Variants in ZFHX3 observed in about 807,000 individuals in gnomAD.
The protein encoded by ZFHX3 is zinc finger homeobox 3.
In ZFHX3, 42 loss-of-function variants were observed where a neutral mutation model predicts 279.1. The observed-to-expected ratio is 0.15, with a 90% CI of 0.12 to 0.19. ZFHX3 has a LOEUF of 0.19. Among genes scored for constraint, ZFHX3 ranks in the 10% least tolerant of loss-of-function variants. The pLI is 1.00. For synonymous variants in ZFHX3, 2,293 were observed against 1,957.8 expected (o/e 1.17, Z -4.52); for missense variants, 4,981 against 4,754.0 (o/e 1.05, Z -1.40).
chr16:72,836,212 CCTCT>C, intron 4 of ZFHX3, among the ~76,000 whole-genome samples: 1 of 152,272 alleles, frequency 6.6e-6, no homozygotes, highest in Middle Eastern at 3.4e-3. Context: ...TGCCATTCTC[CCTCT>C]GTGACTTTCG....
At chr16:73,353,191 C>G (rs2016279043) in intron 3 of ZFHX3, among the ~76,000 whole-genome samples, 1 of 152,184 alleles carries the variant, frequency 6.6e-6, no homozygotes, top group South Asian at 2.1e-4. Flanking sequence ...TGGTAAGACA[C>G]AGTTAGAACC....
chr16:73,780,111 A>ATT lies in ZFHX3; in HGVS notation c.-1607-99873_-1607-99872dup, dbSNP rs762134796. Among the ~76,000 whole-genome samples the ATT allele has an allele frequency of 6.0e-4, 20 of 33,214 alleles. 9 individuals are homozygous for ATT. Among genetic ancestry groups the ATT allele is most frequent in the East Asian group, 2.0e-3 (2 of 1,012 alleles). 21.8% of individuals were successfully genotyped at this position (33,214 alleles called of 152,430 possible). A position where few individuals can be genotyped will look rare whatever the true frequency, so the allele number is the denominator to read the frequency against. On this transcript the variant is annotated intron_variant, in intron 1 of 17. Coordinates refer to the ZFHX3 transcript ENST00000641206. ...AACCAGCAAAACTCACTGCATTTGA[A>ATT]TTTTTTTTTTTTTTTTTTTTTTTTT...
chr16:72,912,177 G>A (rs55919245), intron 3 of ZFHX3, among the ~76,000 whole-genome samples: 1 of 152,192 alleles, frequency 6.6e-6, no homozygotes, highest in Non-Finnish European at 1.5e-5. Flanking sequence ...GCAGGAGCTC[G>A]ACCCTGCCAG....
chr16:72,863,975 G>A (rs1394146068), intron 4 of ZFHX3, among the ~76,000 whole-genome samples: 1 of 152,056 alleles, frequency 6.6e-6, no homozygotes, highest in African/African-American at 2.4e-5. Flanking sequence ...AAATTAGCTG[G>A]GCGTGGTGGT....
At chr16:73,079,244 G>T (rs1412626173) in intron 8 of ZFHX3, among the ~76,000 whole-genome samples, 3 of 151,656 alleles carry the variant, frequency 2.0e-5, no homozygotes, top group Non-Finnish European at 4.4e-5. Flanking sequence ...TATTTTTAAG[G>T]CCGGGCATAG....
chr16:73,426,931 T>C (rs983708736), intron 3 of ZFHX3, among the ~76,000 whole-genome samples: 19 of 152,162 alleles, frequency 1.2e-4, no homozygotes, highest in African/African-American at 4.1e-4. Context: ...ATTATTCTGA[T>C]TAGACTTTTA....
At chr16:73,276,313 A>T (rs954844863) in intron 4 of ZFHX3, among the ~76,000 whole-genome samples, 29 of 151,430 alleles carry the variant, frequency 1.9e-4, no homozygotes, top group Admixed American at 1.6e-3. Context: ...CCTCCCGAGT[A>T]GCTGGGATTA....
At chr16:73,863,541 C>T (rs972216405) in intron 1 of ZFHX3, among the ~76,000 whole-genome samples, 9 of 152,152 alleles carry the variant, frequency 5.9e-5, no homozygotes, top group Non-Finnish European at 1.3e-4. Flanking sequence ...GAAAAAAATC[C>T]GAAAGGCAAT....
At chr16:73,139,387 G>C (rs900941131) in intron 6 of ZFHX3, among the ~76,000 whole-genome samples, 3 of 152,158 alleles carry the variant, frequency 2.0e-5, no homozygotes, top group African/African-American at 7.2e-5. Context: ...CGAAGTCCAG[G>C]TTAACCGTGT....
At chr16:73,672,229 T>A (rs755694875) in intron 2 of ZFHX3, among the ~76,000 whole-genome samples, 4 of 152,094 alleles carry the variant, frequency 2.6e-5, no homozygotes, top group Non-Finnish European at 5.9e-5. Flanking sequence ...CAGAATCAGA[T>A]TTCATCAACA....
At chr16:73,007,510 G>A (rs1466772956) in intron 1 of ZFHX3, among the ~76,000 whole-genome samples, 4 of 152,006 alleles carry the variant, frequency 2.6e-5, no homozygotes, top group East Asian at 1.9e-4. Flanking sequence ...GCAGTGGTGC[G>A]ATCTCGGCTC....
chr16:73,532,448 A>G (rs2019822392), intron 2 of ZFHX3, among the ~76,000 whole-genome samples: 1 of 152,138 alleles, frequency 6.6e-6, no homozygotes, highest in Admixed American at 6.5e-5. Flanking sequence ...TTCTTTATAA[A>G]TTACCCAGCC....
intron 5 of ZFHX3, among the ~76,000 whole-genome samples, chr16:73,250,119 T>C (rs1470431218): frequency 1.3e-5 from 2 of 152,202 alleles, no homozygotes; most frequent in African/African-American, 4.8e-5. Context: ...AGGTGTACTT[T>C]CCCCACAAGT....
At chr16:73,812,595 T>G (rs375766761) in intron 1 of ZFHX3, 1 of 152,294 alleles carries the variant, frequency 6.6e-6, no homozygotes, top group Non-Finnish European at 1.5e-5. Context: ...GGTCACAGAC[T>G]GATACTAGCT....
At chr16:73,507,609 C>T (rs1269600466) in intron 2 of ZFHX3, among the ~76,000 whole-genome samples, 1 of 150,880 alleles carries the variant, frequency 6.6e-6, no homozygotes, top group Non-Finnish European at 1.5e-5. Flanking sequence ...GATCCTTCCA[C>T]CTCAGCCTCC....
intron 2 of ZFHX3, among the ~76,000 whole-genome samples, chr16:73,459,413 A>T (rs905073564): frequency 5.9e-5 from 9 of 152,168 alleles, no homozygotes; most frequent in Admixed American, 3.3e-4. Flanking sequence ...CCCAGGCTGA[A>T]GTGCAGTAGC....
intron 2 of ZFHX3, among the ~76,000 whole-genome samples, chr16:73,528,454 G>C (rs1222289936): frequency 6.6e-6 from 1 of 152,172 alleles, no homozygotes; most frequent in Non-Finnish European, 1.5e-5. Context: ...AACACCGTAA[G>C]AGGTAGAAAA....
intron 3 of ZFHX3, among the ~76,000 whole-genome samples, chr16:73,447,400 C>G (rs2018206580): frequency 6.6e-6 from 1 of 152,010 alleles, no homozygotes; most frequent in Non-Finnish European, 1.5e-5. Context: ...CCCTGAATCC[C>G]AGAATGAGTA....
intron 1 of ZFHX3, among the ~76,000 whole-genome samples, chr16:73,888,199 G>C (rs1351783329): frequency 6.6e-6 from 1 of 152,118 alleles, no homozygotes; most frequent in African/African-American, 2.4e-5. Flanking sequence ...AGTAAAACTA[G>C]GTTAGAAGTT....
Sources: allele counts gnomAD v4.1 joint callset (sites outside exome capture counted in the v4.1 genomes callset), GRCh38; gene constraint gnomAD v4.1.1; transcripts MANE v1.5; gene names NCBI Gene and HGNC (gene_info 2026-07-23, HGNC 2026-07-21).